The following INTS6 variants were observed in gnomAD, a reference collection of about 807,000 sequenced individuals.
The protein encoded by INTS6 is integrator complex subunit 6, also known as DEAD box protein.
INTS6 carries 16 observed loss-of-function variants against 104.9 expected under a neutral mutation model. The observed-to-expected ratio is 0.15, with a 90% confidence interval of 0.10 to 0.23. The LOEUF (loss-of-function observed/expected upper bound fraction) is 0.23, where lower values mean the gene tolerates loss of function less well. Among genes scored for constraint, INTS6 ranks in the 10% least tolerant of loss-of-function variants. The pLI is 1.00. For synonymous variants in INTS6, 324 were observed against 358.7 expected, an observed-to-expected ratio of 0.90 and a Z score of 1.09; for missense variants, 584 against 1,062.8, an observed-to-expected ratio of 0.55 and a Z score of 6.26.
At chr13:51,410,858 C>T (rs1475283185) in intron 4 of INTS6, among the ~76,000 whole-genome samples, 1 of 151,964 alleles carries the variant, frequency 6.6e-6, no homozygotes, top group Non-Finnish European at 1.5e-5. Flanking sequence ...GACAGACTAT[C>T]CAATAAAAAA....
the INTS6 span, chr13:51,347,003 C>T: frequency 1.9e-6 from 3 of 1,545,660 alleles, no homozygotes; most frequent in South Asian, 3.6e-5. Flanking sequence ...AACCCATGGC[C>T]ACCTTGCTTT....
intron 5 of INTS6, among the ~76,000 whole-genome samples, chr13:51,390,536 A>G (rs974203297): frequency 2.0e-5 from 3 of 152,100 alleles, no homozygotes; most frequent in African/African-American, 4.8e-5. Context: ...TTGGCCAAAT[A>G]TTTTGCAACA....
At chr13:51,411,108 G>A (rs1956677491) in intron 4 of INTS6, among the ~76,000 whole-genome samples, 1 of 151,922 alleles carries the variant, frequency 6.6e-6, no homozygotes, top group Admixed American at 6.5e-5. Flanking sequence ...AGCTACTCGG[G>A]AGGCTGAGGC....
At chr13:51,353,401 C>T (rs986897752), downstream of INTS6, among the ~76,000 whole-genome samples, 1 of 152,136 alleles carries the variant, frequency 6.6e-6, no homozygotes, top group Admixed American at 6.5e-5. Flanking sequence ...TCTTTACAAC[C>T]CTACAAACAC....
At chr13:51,341,194 C>T in the INTS6 span, 6 of 1,614,056 alleles carry the variant, frequency 3.7e-6, no homozygotes, top group Non-Finnish European at 3.4e-6. Flanking sequence ...TGAGTTTGCA[C>T]TTCACCTCTA....
rs371162993 is a variant in INTS6, at chr13:51,434,023, T to C, written c.340-3640A>G. Among the ~76,000 whole-genome samples, 4 of 152,210 alleles carry C rather than the reference T, an allele frequency of 2.6e-5. No homozygotes were observed. In the East Asian group the frequency reaches 5.8e-4, roughly 22 times the overall value. ...TTCTAATTCTAAAATCCACATGGTC[T>C]TTCTGTACCACCTGGAGGTCCTATT... On this transcript the variant is annotated intron_variant, in intron 3 of 17. Coordinates refer to ENST00000311234, the MANE Select transcript of INTS6 (RefSeq NM_012141.3).
chr13:51,385,999 C>T (rs948219319), intron 7 of INTS6, among the ~76,000 whole-genome samples: 5 of 152,188 alleles, frequency 3.3e-5, no homozygotes, highest in Admixed American at 1.3e-4. Flanking sequence ...TTCCTTAACC[C>T]TGCATTTAAA....
At chr13:51,394,812 T>C (rs1465448101) in intron 5 of INTS6, among the ~76,000 whole-genome samples, 1 of 152,224 alleles carries the variant, frequency 6.6e-6, no homozygotes, top group Non-Finnish European at 1.5e-5. Context: ...TGATGTTCAC[T>C]TGGCATAGTA....
At chr13:51,420,756 TAAAA>T (rs75997381) in intron 4 of INTS6, among the ~76,000 whole-genome samples, 2 of 125,876 alleles carry the variant, frequency 1.6e-5, no homozygotes, top group African/African-American at 2.9e-5. Context: ...CTAGCTAAAT[TAAAA>T]AAAAAAAAAA....
intron 5 of INTS6, 47 bp from the exon 6 acceptor site, chr13:51,389,491 C>T (rs1478678632): frequency 7.3e-6 from 11 of 1,498,526 alleles, no homozygotes; most frequent in Non-Finnish European, 9.8e-6. Context: ...ATATAGTAAA[C>T]TAGTTAGTTG....
intron 16 of INTS6, 93 bp downstream of exon 16, chr13:51,368,846 T>G (rs1268085508): frequency 7.8e-7 from 1 of 1,286,756 alleles, no homozygotes; most frequent in South Asian, 1.5e-5. Flanking sequence ...TCATATGTAT[T>G]CTTTTACTAC....
chr13:51,361,363 A>G, downstream of INTS6: 1 of 1,593,358 alleles, frequency 6.3e-7, no homozygotes, highest in Non-Finnish European at 8.6e-7. Flanking sequence ...CTGGAGCCAC[A>G]GGTATGTTCA....
chr13:51,416,305 G>C (rs1593734412), intron 4 of INTS6, among the ~76,000 whole-genome samples: 1 of 152,172 alleles, frequency 6.6e-6, no homozygotes, highest in Non-Finnish European at 1.5e-5. Flanking sequence ...GCTGAACCAG[G>C]AAGTCAGAGT....
At chr13:51,352,851 T>A (rs1955420335), downstream of INTS6, among the ~76,000 whole-genome samples, 1 of 152,182 alleles carries the variant, frequency 6.6e-6, no homozygotes, top group South Asian at 2.1e-4. Flanking sequence ...CTGCATCTAT[T>A]GAGATGGTGA....
intron 12 of INTS6, among the ~76,000 whole-genome samples, chr13:51,377,185 T>C (rs1312967419): frequency 6.6e-6 from 1 of 152,198 alleles, no homozygotes; most frequent in African/African-American, 2.4e-5. Flanking sequence ...ATATTTTCTT[T>C]GGTGAAATGT....
At chr13:51,391,626 T>C (rs1956247394) in intron 5 of INTS6, among the ~76,000 whole-genome samples, 3 of 152,192 alleles carry the variant, frequency 2.0e-5, no homozygotes, top group Non-Finnish European at 2.9e-5. Context: ...GAAAAAAGTT[T>C]TATTAGCACA....
chr13:51,371,444 C>T (rs1195461556), intron 15 of INTS6, among the ~76,000 whole-genome samples: 1 of 152,110 alleles, frequency 6.6e-6, no homozygotes, highest in East Asian at 1.9e-4. Flanking sequence ...AATTCTGTAT[C>T]AGGCTTATAT....
Position 51,452,360 on chromosome 13 carries a change from T to TGCCGCCCGCGGGCCGCCGGGCCGGGGTC in INTS6, c.111+27_111+54dup. The stretch of plus-strand genomic sequence containing the variant: ...CCGCCCCGGCCGCCCTCCCCCACCC[T>TGCCGCCCGCGGGCCGCCGGGCCGGGGTC]GCCGCCCGCGGGCCGCCGGGCCGGG... On this transcript the variant is annotated intron_variant, in intron 1 of 17. Coordinates refer to ENST00000311234, the MANE Select transcript of INTS6 (RefSeq NM_012141.3). This position sits in a 1 kb window ranked among gnomAD's most constrained non-coding sequence, Gnocchi z 4.2. 1 of 1,430,728 alleles carries TGCCGCCCGCGGGCCGCCGGGCCGGGGTC rather than the reference T, an allele frequency of 7.0e-7. No individual in the cohort carries two copies. Among genetic ancestry groups the TGCCGCCCGCGGGCCGCCGGGCCGGGGTC allele is most frequent in the Non-Finnish European group, 9.2e-7 (1 of 1,084,540 alleles). 88.6% of individuals were successfully genotyped at this position (1,430,728 alleles called of 1,614,324 possible). A position where few individuals can be genotyped will look rare whatever the true frequency, so the allele number is the denominator to read the frequency against.
At chr13:51,398,151 G>T (rs1359991824) in intron 4 of INTS6, among the ~76,000 whole-genome samples, 1 of 152,040 alleles carries the variant, frequency 6.6e-6, no homozygotes, top group Non-Finnish European at 1.5e-5. Context: ...AGGAGTAATG[G>T]CAGGCAAATA....
Sources: gnomAD v4.1 joint callset for allele counts (sites outside exome capture counted in the v4.1 genomes callset) on GRCh38, gnomAD v4.1.1 for gene constraint, Gnocchi (gnomAD v3.1) non-coding constraint, MANE v1.5 for transcripts, NCBI Gene and HGNC (gene_info 2026-07-23, HGNC 2026-07-21) for gene names.